The following TAF4 variants were observed in gnomAD, a reference collection of about 807,000 sequenced individuals.
TAF4 encodes TATA-box binding protein associated factor 4, also known as transcription initiation factor TFIID subunit 4.
In TAF4, 9 loss-of-function variants were observed where a neutral mutation model predicts 90.3. The ratio of observed to expected loss-of-function variants is 0.10; its 90% CI spans 0.06 to 0.17. The LOEUF is 0.17. TAF4 is among the 10% of genes least tolerant of loss of function. The pLI, the probability that TAF4 is intolerant of heterozygous loss-of-function variation, is 1.00. For synonymous variants in TAF4, 818 were observed against 638.9 expected (o/e 1.28, Z -4.23); for missense variants, 1,351 against 1,370.7 (o/e 0.99, Z 0.23).
At chr20:62,027,253 A>G (rs1210294039) in intron 1 of TAF4, among the ~76,000 whole-genome samples, 1 of 152,192 alleles carries the variant, frequency 6.6e-6, no homozygotes, top group Non-Finnish European at 1.5e-5. Context: ...CTGAGAGCCG[A>G]GCAGCGTCGT....
At position 62,003,864 on chromosome 20, in the gene TAF4, A is replaced by T; in HGVS notation, c.2238T>A (p.Pro746=). The change falls in exon 8 of 15, where the codon CCT becomes CCA. Residue 746 remains proline (P), a synonymous_variant. Transcript: ENST00000252996. ...GCCGGATCAGGGCTCCTGGCTTCGG[A>T]GGCTGCTGGATGACCTGAGGCAGAG... ...GQPTPLVIQQ[P]PKPGALIRPP... 1 of 1,575,722 alleles carries T rather than the reference A, an allele frequency of 6.3e-7. No individual in the cohort carries two copies. The highest frequency in any genetic ancestry group is 8.6e-7 in the Non-Finnish European group (1 of 1,163,216).
In TAF4 at chr20:62,001,558, G is replaced by A. The variant is rs1019415094; in HGVS notation, c.2487-837C>T. ...GTGGGCTTTGAACGTGAGGCCGGGG[G>A]CCTGCCTGGCGTCTCCTGGGGTCGT... On this transcript the variant is annotated intron_variant, in intron 9 of 14. Coordinates refer to ENST00000252996, the MANE Select transcript of TAF4 (RefSeq NM_003185.4). Among the ~76,000 whole-genome samples the A allele has an allele frequency of 2.6e-5, 4 of 152,136 alleles. No individual in the cohort carries two copies. The South Asian group carries it at 6.2e-4, about 24-fold the overall frequency.
At chr20:62,000,784 G>A (rs2055695134) in intron 9 of TAF4, 63 bp from the exon 10 acceptor site, 42 of 1,589,286 alleles carry the variant, frequency 2.6e-5, no homozygotes, top group Non-Finnish European at 3.6e-5. Flanking sequence ...GTGGGCTGGG[G>A]TGGTAAGGGC....
intron 1 of TAF4, among the ~76,000 whole-genome samples, chr20:62,023,826 T>TATAC (rs1396512161): frequency 6.8e-6 from 1 of 147,360 alleles, no homozygotes; most frequent in Non-Finnish European, 1.5e-5. Context: ...CTCACACCTG[T>TATAC]AATCCCAGCA....
chr20:62,060,340 C>A (rs1345661622), intron 1 of TAF4, among the ~76,000 whole-genome samples: 1 of 152,272 alleles, frequency 6.6e-6, no homozygotes, highest in Non-Finnish European at 1.5e-5. Flanking sequence ...AACTCATAGA[C>A]CTCTGCTGTG....
At position 62,064,549 on chromosome 20, in the gene TAF4, C is replaced by G; in HGVS notation, c.1262G>C (p.Ser421Thr). The part of the protein sequence containing the change: ...SLSRTPTATT[S>T]GIRATLTPTV... ...GGGCGTCAGGGTGGCCCGAATCCCG[C>G]TGGTGGTGGCCGTGGGCGTCCGGGA... Residue 421 changes from serine (S) to threonine (T), a missense_variant, in exon 1 of 15, where the codon AGC becomes ACC. Around this residue, in one of 9 missense-constraint regions of TAF4, gnomAD observed 782 missense variants for 536.6 expected, o/e 1.46. Coordinates refer to ENST00000252996, the MANE Select transcript of TAF4 (RefSeq NM_003185.4). The G allele has an allele frequency of 6.6e-7, 1 of 1,523,178 alleles. No homozygotes were observed. Among genetic ancestry groups the G allele is most frequent in the Non-Finnish European group, 8.8e-7 (1 of 1,140,100 alleles). The allele number at this position is 1,523,178 out of a possible 1,614,324, so 94.4% of individuals were successfully genotyped here. A position where few individuals can be genotyped will look rare whatever the true frequency, so the allele number is the denominator to read the frequency against.
chr20:62,014,485 A>G (rs1029246728), intron 2 of TAF4, 62 bp downstream of exon 2: 1 of 1,504,122 alleles, frequency 6.6e-7, no homozygotes, highest in African/African-American at 1.4e-5. Flanking sequence ...TTTCCCCAGC[A>G]TGCGTGGGGA....
chr20:62,057,616 AG>A, intron 1 of TAF4, among the ~76,000 whole-genome samples: 2 of 148,038 alleles, frequency 1.4e-5, no homozygotes, highest in African/African-American at 2.5e-5. Flanking sequence ...GCAAGACCTC[AG>A]GAAGGACGGA....
chr20:62,064,690 AC>A lies in TAF4; in HGVS notation c.1120del (p.Val374SerfsTer35). On this transcript the variant is annotated frameshift_variant, in exon 1 of 15. Coordinates refer to ENST00000252996, the MANE Select transcript of TAF4 (RefSeq NM_003185.4). LOFTEE classifies it high-confidence loss of function. ...SGPASTAASM[V>X]IGPTMQGALP... is the part of the protein sequence containing the mutation. ...CGCCCCTTGCATAGTTGGCCCGATG[AC>A]CATGCTGGCCGCCGTGCTGGCCGGG... is the stretch of plus-strand genomic sequence containing the variant. The A allele has an allele frequency of 8.0e-7, 1 of 1,256,582 alleles. No individual in the cohort carries two copies. Among genetic ancestry groups the A allele is most frequent in the Non-Finnish European group, 9.9e-7 (1 of 1,006,316 alleles). 77.8% of individuals were successfully genotyped at this position (1,256,582 alleles called of 1,614,324 possible).
intron 14 of TAF4, among the ~76,000 whole-genome samples, chr20:61,976,753 T>C (rs558398046): frequency 2.6e-5 from 4 of 152,350 alleles, no homozygotes; most frequent in Admixed American, 2.6e-4. Flanking sequence ...CCCGCTTGGC[T>C]GCTGAATTCC....
At chr20:62,003,353 A>C (rs937672505) in intron 8 of TAF4, 79 bp from the exon 9 acceptor site, 3 of 1,167,378 alleles carry the variant, frequency 2.6e-6, no homozygotes, top group Non-Finnish European at 3.9e-6. Context: ...TACAGGCTCA[A>C]GGGCACAGCT....
At chr20:62,035,898 C>A (rs2055929616) in intron 1 of TAF4, among the ~76,000 whole-genome samples, 1 of 151,840 alleles carries the variant, frequency 6.6e-6, no homozygotes, top group South Asian at 2.1e-4. Context: ...AAGACACAAA[C>A]AGACATTTCA....
At position 61,975,385 on chromosome 20, in the gene TAF4, T is replaced by G. The variant is rs925469170; in HGVS notation, c.*783A>C. The G allele has an allele frequency of 3.3e-5, 5 of 152,420 alleles. No homozygotes were observed. The highest frequency in any genetic ancestry group is 6.6e-5 in the Admixed American group (1 of 15,264). 9.4% of individuals were successfully genotyped at this position (152,420 alleles called of 1,614,324 possible). ...GATTCTTCTCAACTTTGATTTTATT[T>G]AATCTAGGTTTTCACTTTTAGCTAA... On this transcript the variant is annotated 3_prime_UTR_variant, in exon 15 of 15. Coordinates refer to ENST00000252996, the MANE Select transcript of TAF4 (RefSeq NM_003185.4).
At position 62,010,075 on chromosome 20, in the gene TAF4, C is replaced by G; in HGVS notation, c.1732G>C (p.Gly578Arg). 1 of 1,613,678 alleles carries G rather than the reference C, an allele frequency of 6.2e-7. No homozygotes were observed. Among genetic ancestry groups the G allele is most frequent in the Non-Finnish European group, 8.5e-7 (1 of 1,179,978 alleles). Residue 578 changes from glycine to arginine, a missense_variant, in exon 4 of 15, where the codon GGG (glycine) becomes CGG (arginine). Transcript: ENST00000252996. This position sits in a 1 kb window ranked among gnomAD's most constrained non-coding sequence, Gnocchi z 4.5. ...GCAGCTGAGGAAGTGGTGGTCGCCC[C>G]TGGTACCGTGCGCTGAGGAGTCCCC... ...QTGTPQRTVP[G>R]ATTTSSAATE...
intron 10 of TAF4, 86 bp downstream of exon 10, chr20:62,000,466 C>A: frequency 6.9e-7 from 1 of 1,457,878 alleles, no homozygotes; most frequent in South Asian, 1.3e-5. Flanking sequence ...AACACATGAC[C>A]AGGTGTCAGG....
At chr20:62,008,565 G>C (rs908492689) in intron 5 of TAF4, among the ~76,000 whole-genome samples, 1 of 151,874 alleles carries the variant, frequency 6.6e-6, no homozygotes, top group Non-Finnish European at 1.5e-5. Context: ...TGGGGGGGAC[G>C]GCTCTGCCAC....
chr20:62,038,028 G>GTT (rs111957072), intron 1 of TAF4: 257 of 147,200 alleles, frequency 1.7e-3, no homozygotes, highest in Admixed American at 3.4e-3. Context: ...TTTTTTTGTT[G>GTT]TTTTTTTTTT....
intron 9 of TAF4, among the ~76,000 whole-genome samples, 195 bp from the exon 10 acceptor site, chr20:62,000,916 T>A (rs2055696544): frequency 6.6e-6 from 1 of 152,186 alleles, no homozygotes; most frequent in East Asian, 1.9e-4. Context: ...AAAGCTCGAT[T>A]GTTCTGCGGA....
At position 62,061,088 on chromosome 20, in the gene TAF4, C is replaced by T. The variant is rs373125613; in HGVS notation, c.1360+3363G>A. ...TCCCAGGTCAAACGGCAACAGGGCC[C>T]TCAAGTCACAAAATCTAAACTTTTA... On this transcript the variant is annotated intron_variant, in intron 1 of 14. Coordinates refer to ENST00000252996, the MANE Select transcript of TAF4 (RefSeq NM_003185.4). 2.6e-5 allele frequency among the ~76,000 whole-genome samples: 4 copies of T among 152,200 alleles called. No individual in the cohort carries two copies. In the East Asian group the frequency reaches 5.8e-4, roughly 22 times the overall value.
Sources: allele counts gnomAD v4.1 joint callset (sites outside exome capture counted in the v4.1 genomes callset), GRCh38; gene constraint gnomAD v4.1.1; regional missense constraint gnomAD v4.1.1; non-coding constraint Gnocchi (gnomAD v3.1); transcripts MANE v1.5; gene names NCBI Gene and HGNC (gene_info 2026-07-23, HGNC 2026-07-21).